ARHGAP15: variants seen among roughly 807,000 people sequenced by gnomAD.
ARHGAP15 encodes the protein rho GTPase-activating protein 15.
In ARHGAP15, 51 loss-of-function variants were observed where a neutral mutation model predicts 63.7. The ratio of observed to expected loss-of-function variants is 0.80; its 90% CI spans 0.64 to 1.01. The LOEUF is 1.01. Ranked by LOEUF, ARHGAP15 falls within the 50% of genes least tolerant of loss-of-function variation. ARHGAP15 has a pLI of 0.00. For synonymous variants in ARHGAP15, 191 were observed against 193.8 expected, an observed-to-expected ratio of 0.99 and a Z score of 0.12; for missense variants, 560 against 564.6, an observed-to-expected ratio of 0.99 and a Z score of 0.08.
intron 13 of ARHGAP15, among the ~76,000 whole-genome samples, chr2:143,736,685 A>G (rs796220556): frequency 2.6e-5 from 4 of 152,240 alleles, no homozygotes; most frequent in Non-Finnish European, 5.9e-5. Flanking sequence ...AAAAATTAAC[A>G]GTTACTACTC....
At chr2:143,413,966 T>TGTGTGCGC in intron 6 of ARHGAP15, among the ~76,000 whole-genome samples, 177 of 117,916 alleles carry the variant, frequency 1.5e-3, no homozygotes, top group African/African-American at 5.6e-3. Flanking sequence ...TGTGTGTGTG[T>TGTGTGCGC]GCGCGCTCTC....
At chr2:143,147,881 G>A (rs1689651768) in intron 1 of ARHGAP15, among the ~76,000 whole-genome samples, 1 of 151,978 alleles carries the variant, frequency 6.6e-6, no homozygotes, top group African/African-American at 2.4e-5. Context: ...TAATTAAGAA[G>A]CATCCCACGA....
At chr2:143,445,153 A>ACTTT (rs765945989) in intron 8 of ARHGAP15, among the ~76,000 whole-genome samples, 12 of 74,458 alleles carry the variant, frequency 1.6e-4, no homozygotes, top group African/African-American at 3.8e-4. Context: ...AAGAACAATT[A>ACTTT]TTTTTTTTTT....
At chr2:143,283,094 C>T (rs568541732) in intron 6 of ARHGAP15, among the ~76,000 whole-genome samples, 1 of 152,178 alleles carries the variant, frequency 6.6e-6, no homozygotes, top group African/African-American at 2.4e-5. Context: ...TGATTTTTCC[C>T]CAGGAGTTTT....
intron 2 of ARHGAP15, among the ~76,000 whole-genome samples, chr2:143,172,800 A>AG (rs1462284320): frequency 6.6e-6 from 1 of 152,138 alleles, no homozygotes; most frequent in Non-Finnish European, 1.5e-5. Flanking sequence ...AAAGTGTCAT[A>AG]GGGACAATCA....
intron 2 of ARHGAP15, among the ~76,000 whole-genome samples, chr2:143,183,316 A>T (rs1691308919): frequency 6.6e-6 from 1 of 152,170 alleles, no homozygotes; most frequent in Non-Finnish European, 1.5e-5. Flanking sequence ...TTCATAACAA[A>T]TACACTGATT....
At chr2:143,455,134 C>T (rs1690583493) in intron 8 of ARHGAP15, among the ~76,000 whole-genome samples, 2 of 151,958 alleles carry the variant, frequency 1.3e-5, no homozygotes, top group African/African-American at 2.4e-5. Flanking sequence ...TCCATAGAGC[C>T]GTTCTGAGGG....
intron 9 of ARHGAP15, among the ~76,000 whole-genome samples, chr2:143,491,409 T>A (rs989998170): frequency 4.6e-5 from 7 of 152,218 alleles, no homozygotes; most frequent in African/African-American, 1.2e-4. Flanking sequence ...GCAATTAGTA[T>A]GCCCTTATGT....
In ARHGAP15 at chr2:143,155,474, C is replaced by T. The variant is rs1417447843; in HGVS notation, c.-14-3C>T. On this transcript the variant is annotated splice_region_variant and splice_polypyrimidine_tract_variant and intron_variant, in intron 1 of 13. Coordinates refer to ENST00000295095, the MANE Select transcript of ARHGAP15 (RefSeq NM_018460.4). ...TAACATAATACATTTTATATTTTAT[C>T]AGGATAGCACTATAATATGCAGAAA... The T allele has an allele frequency of 6.4e-6, 10 of 1,570,880 alleles. No homozygotes were observed. The East Asian group carries it at 2.1e-4, about 33-fold the overall frequency.
intron 6 of ARHGAP15, among the ~76,000 whole-genome samples, chr2:143,398,548 T>C (rs1687866753): frequency 6.6e-6 from 1 of 152,038 alleles, no homozygotes; most frequent in Admixed American, 6.6e-5. Context: ...ACCCACACAG[T>C]GGAATGGAAA....
intron 2 of ARHGAP15, among the ~76,000 whole-genome samples, chr2:143,189,502 C>CTTTT (rs771848951): frequency 2.9e-5 from 4 of 140,278 alleles, no homozygotes; most frequent in Non-Finnish European, 4.7e-5. Flanking sequence ...TTCTTTCTTT[C>CTTTT]TTTTTTTTTT....
At chr2:143,734,924 T>C (rs998058848) in intron 13 of ARHGAP15, among the ~76,000 whole-genome samples, 24 of 152,316 alleles carry the variant, frequency 1.6e-4, no homozygotes, top group Admixed American at 1.0e-3. Flanking sequence ...TGACTTTATC[T>C]GAAGACTCCT....
At chr2:143,412,950 C>A (rs1325191730) in intron 6 of ARHGAP15, among the ~76,000 whole-genome samples, 6 of 152,048 alleles carry the variant, frequency 3.9e-5, no homozygotes, top group African/African-American at 1.4e-4. Context: ...TTAATTTCAA[C>A]TATTTTCAGG....
chr2:143,168,531 G>A (rs1260024583), intron 2 of ARHGAP15, among the ~76,000 whole-genome samples: 1 of 152,070 alleles, frequency 6.6e-6, no homozygotes, highest in Non-Finnish European at 1.5e-5. Flanking sequence ...ACATCTTGCT[G>A]CCTTTCAAGT....
At chr2:143,186,683 C>A (rs1311830857) in intron 2 of ARHGAP15, among the ~76,000 whole-genome samples, 1 of 152,162 alleles carries the variant, frequency 6.6e-6, no homozygotes, top group Non-Finnish European at 1.5e-5. Context: ...GTGCTAAATG[C>A]CCAGGACCAC....
At chr2:143,151,979 CAGGGCT>C (rs1689842558) in intron 1 of ARHGAP15, among the ~76,000 whole-genome samples, 12 of 151,920 alleles carry the variant, frequency 7.9e-5, no homozygotes, top group Admixed American at 7.9e-4. Context: ...TGTCCGGCAG[CAGGGCT>C]CTGCTTCCCT....
chr2:143,321,519 C>T (rs1431112809), intron 6 of ARHGAP15, among the ~76,000 whole-genome samples: 2 of 152,246 alleles, frequency 1.3e-5, no homozygotes, highest in African/African-American at 4.8e-5. Context: ...GGGCTGTTCA[C>T]TGGCCTTGCC....
At chr2:143,578,809 G>A (rs1022701372) in intron 11 of ARHGAP15, among the ~76,000 whole-genome samples, 2 of 152,112 alleles carry the variant, frequency 1.3e-5, no homozygotes, top group African/African-American at 4.8e-5. Flanking sequence ...CTACAAATCA[G>A]AACTCTTCTG....
At chr2:143,591,632 T>TTC (rs1553508657) in intron 11 of ARHGAP15, among the ~76,000 whole-genome samples, 17 of 146,798 alleles carry the variant, frequency 1.2e-4, no homozygotes, top group East Asian at 4.0e-4. Context: ...TTTTTCTTTT[T>TTC]TTTTTTAGAG....
Sources: allele counts gnomAD v4.1 joint callset (sites outside exome capture counted in the v4.1 genomes callset), GRCh38; gene constraint gnomAD v4.1.1; transcripts MANE v1.5; gene names NCBI Gene and HGNC (gene_info 2026-07-23, HGNC 2026-07-21).